The following PRICKLE2 variants were observed in gnomAD, a reference collection of about 807,000 sequenced individuals.
The protein encoded by PRICKLE2 is prickle planar cell polarity protein 2.
PRICKLE2 carries 21 observed loss-of-function variants against 81.4 expected under a neutral mutation model. The ratio of observed to expected loss-of-function variants is 0.26; its 90% CI spans 0.18 to 0.37. PRICKLE2 has a LOEUF of 0.37. PRICKLE2 is among the 10% of genes least tolerant of loss of function. The pLI, the probability that PRICKLE2 is intolerant of heterozygous loss-of-function variation, is 1.00. For missense variants in PRICKLE2, 940 were observed against 1,109.0 expected (o/e 0.85, Z 2.16); for synonymous variants, 456 against 421.5 (o/e 1.08, Z -1.00).
At chr3:64,149,331 CA>C (rs2077507191) in intron 6 of PRICKLE2, among the ~76,000 whole-genome samples, 2 of 152,350 alleles carry the variant, frequency 1.3e-5, no homozygotes, top group Non-Finnish European at 2.9e-5. Context: ...GGGACTGATT[CA>C]GGGGTGGGCA....
intron 7 of PRICKLE2, among the ~76,000 whole-genome samples, chr3:64,128,407 T>C (rs137863432): frequency 6.6e-6 from 1 of 152,268 alleles, no homozygotes; most frequent in Non-Finnish European, 1.5e-5. Flanking sequence ...AATGCTTCCC[T>C]GCCTAGAAGA....
At chr3:64,108,932 G>T (rs2076799650) in intron 7 of PRICKLE2, among the ~76,000 whole-genome samples, 1 of 152,136 alleles carries the variant, frequency 6.6e-6, no homozygotes, top group Admixed American at 6.6e-5. Context: ...CTAGATGCCA[G>T]TCACACATCC....
chr3:64,154,367 G>A (rs1423106880), intron 5 of PRICKLE2: 2 of 139,586 alleles, frequency 1.4e-5, no homozygotes, highest in South Asian at 4.9e-4. Context: ...GTGAAACCCT[G>A]TCTCTATTAA....
chr3:64,175,322 T>A (rs544122230), intron 2 of PRICKLE2, among the ~76,000 whole-genome samples: 2 of 152,338 alleles, frequency 1.3e-5, no homozygotes, highest in African/African-American at 2.4e-5. Flanking sequence ...AAGGTTTTTT[T>A]AAACATGGTT....
At position 64,208,847 on chromosome 3, in the gene PRICKLE2, T is replaced by C. The variant is rs74721135; in HGVS notation, c.-40-9880A>G. On this transcript the variant is annotated intron_variant, in intron 1 of 7. Transcript: ENST00000638394. ...TGACTCTAAAACCAGTGCTTTCTCC[T>C]ACCTTGTTTTAGGTACAGTGTCAAA... 1.1e-3 allele frequency among the ~76,000 whole-genome samples: 160 copies of C among 152,338 alleles called. 3 individuals are homozygous for C. In the East Asian group the frequency reaches 0.026, roughly 25 times the overall value.
intron 1 of PRICKLE2, among the ~76,000 whole-genome samples, chr3:64,201,438 T>C (rs1251889672): frequency 6.6e-6 from 1 of 152,200 alleles, no homozygotes; most frequent in Non-Finnish European, 1.5e-5. Flanking sequence ...GTAGCTACTA[T>C]AGTGGGTATA....
At chr3:64,110,714 C>T (rs1332309455) in intron 7 of PRICKLE2, among the ~76,000 whole-genome samples, 1 of 151,910 alleles carries the variant, frequency 6.6e-6, no homozygotes, top group Non-Finnish European at 1.5e-5. Flanking sequence ...AGAGAAGGTG[C>T]CACGAGCTCT....
chr3:64,266,972 C>T (rs1165887469), intron 2 of PRICKLE2, among the ~76,000 whole-genome samples: 1 of 150,680 alleles, frequency 6.6e-6, no homozygotes, highest in African/African-American at 2.4e-5. Context: ...TGACCCTCTG[C>T]ATTCGATTCT....
intron 1 of PRICKLE2, among the ~76,000 whole-genome samples, chr3:64,205,009 T>C (rs2078657297): frequency 6.6e-6 from 1 of 151,404 alleles, no homozygotes; most frequent in Non-Finnish European, 1.5e-5. Flanking sequence ...GAATGAAACA[T>C]ATTCGGAAGT....
At chr3:64,204,673 C>T (rs886104157) in intron 1 of PRICKLE2, among the ~76,000 whole-genome samples, 2 of 152,076 alleles carry the variant, frequency 1.3e-5, no homozygotes, top group African/African-American at 4.8e-5. Flanking sequence ...AACTCAAAGC[C>T]ACAAGGACCT....
chr3:64,155,416 G>T (rs919809676), intron 5 of PRICKLE2, among the ~76,000 whole-genome samples: 6 of 150,502 alleles, frequency 4.0e-5, no homozygotes, highest in African/African-American at 1.5e-4. Context: ...TGGACAAATT[G>T]GAATCCTCAT....
intron 1 of PRICKLE2, among the ~76,000 whole-genome samples, chr3:64,206,708 A>C (rs1320431643): frequency 2.0e-5 from 3 of 152,204 alleles, no homozygotes; most frequent in Non-Finnish European, 2.9e-5. Flanking sequence ...AGTACAAACC[A>C]AGTGACTGAC....
At chr3:64,160,175 T>C in intron 3 of PRICKLE2, 98 bp from the exon 4 acceptor site, 1 of 1,362,174 alleles carries the variant, frequency 7.3e-7, no homozygotes, top group South Asian at 1.2e-5. Flanking sequence ...TACACTCTCA[T>C]TTGGTTTTAT....
At chr3:64,186,368 T>C (rs1045733768) in intron 2 of PRICKLE2, among the ~76,000 whole-genome samples, 3 of 152,174 alleles carry the variant, frequency 2.0e-5, no homozygotes, top group Non-Finnish European at 2.9e-5. Context: ...ACTTGGCCAA[T>C]GTTGGAAAGC....
rs183724811 is a variant in PRICKLE2 at position 64,161,837 on chromosome 3, A to T, written c.258+1179T>A. Among the ~76,000 whole-genome samples, 6 of 152,222 alleles carry T rather than the reference A, an allele frequency of 3.9e-5. No homozygotes were observed. In the East Asian group the frequency reaches 1.2e-3, roughly 29 times the overall value. On this transcript the variant is annotated intron_variant, in intron 3 of 7. Coordinates refer to ENST00000638394, the MANE Select transcript of PRICKLE2 (RefSeq NM_198859.4). Reference sequence around the variant, plus strand: ...TAGGGACATGCTTTCAAAGGAAGGCACACCCTTCCTGCTTGTAAAAACCCG... The same window carrying T: ...TAGGGACATGCTTTCAAAGGAAGGCTCACCCTTCCTGCTTGTAAAAACCCG...
At chr3:64,242,705 G>T (rs574250975) in intron 2 of PRICKLE2, among the ~76,000 whole-genome samples, 7 of 152,208 alleles carry the variant, frequency 4.6e-5, no homozygotes, top group Non-Finnish European at 8.8e-5. Context: ...CTTTACAGCT[G>T]CTTCTCTTTG....
intron 7 of PRICKLE2, among the ~76,000 whole-genome samples, chr3:64,126,132 T>A (rs894617005): frequency 6.6e-6 from 1 of 152,164 alleles, no homozygotes; most frequent in African/African-American, 2.4e-5. Flanking sequence ...AACAGTAAAA[T>A]TTCATGAAAA....
chr3:64,173,864 C>T (rs2077975706), intron 2 of PRICKLE2, among the ~76,000 whole-genome samples: 1 of 152,214 alleles, frequency 6.6e-6, no homozygotes, highest in African/African-American at 2.4e-5. Flanking sequence ...TTTGCCCTTT[C>T]TCTAAACCAC....
intron 2 of PRICKLE2, among the ~76,000 whole-genome samples, chr3:64,190,759 A>T (rs1200602927): frequency 3.3e-5 from 5 of 152,228 alleles, no homozygotes; most frequent in Non-Finnish European, 1.5e-5. Context: ...GGCCAAATCA[A>T]GGAGCCTCTG....
Sources: gnomAD v4.1 joint callset for allele counts (sites outside exome capture counted in the v4.1 genomes callset) on GRCh38, gnomAD v4.1.1 for gene constraint, MANE v1.5 for transcripts, NCBI Gene and HGNC (gene_info 2026-07-23, HGNC 2026-07-21) for gene names.